KLHL13: variants seen among roughly 807,000 people sequenced by gnomAD.
KLHL13 encodes the protein kelch like family member 13, also known as kelch-like protein 13.
KLHL13 carries 10 observed loss-of-function variants against 37.1 expected under a neutral mutation model. The ratio of observed to expected loss-of-function variants is 0.27; its 90% CI spans 0.17 to 0.46. KLHL13 has a LOEUF of 0.46. Ranked by LOEUF, KLHL13 falls within the 20% of genes least tolerant of loss-of-function variation. The pLI is 1.00. For synonymous variants in KLHL13, 163 were observed against 181.2 expected (o/e 0.90, Z 0.81); for missense variants, 360 against 509.3 (o/e 0.71, Z 2.82).
rs752491386 is a variant in KLHL13 at position 118,071,833 on chromosome X, T to G, written c.-56+44675A>C. ...CACTGCTCAAGGAAATAAAAGAGGA[T>G]ACAAACAAATGGAAGAACATTCCAT... On this transcript the variant is annotated intron_variant, in intron 1 of 6. Transcript: ENST00000371882. 2.0e-3 allele frequency among the ~76,000 whole-genome samples: 207 copies of G among 101,362 alleles called. 1 individual carries two copies. Among genetic ancestry groups the G allele is most frequent in the African/African-American group, 7.1e-3 (197 of 27,627 alleles). 88.0% of individuals were successfully genotyped at this position (101,362 alleles called of 115,157 possible).
At chrX:117,979,556 G>A (rs887257879) in intron 1 of KLHL13, among the ~76,000 whole-genome samples, 1 of 111,311 alleles carries the variant, frequency 9.0e-6, no homozygotes, top group Non-Finnish European at 1.9e-5. Context: ...AAATTGAAAG[G>A]GAAATTTATA....
At chrX:118,116,689 G>A (rs956602250) in exon 1 of KLHL13, 1 of 111,635 alleles carries the variant, frequency 9.0e-6, no homozygotes, top group Non-Finnish European at 1.9e-5. Context: ...CGGAGAGCAC[G>A]GACCCTAACC....
chrX:118,074,932 G>T (rs1470082404), intron 1 of KLHL13, among the ~76,000 whole-genome samples: 2 of 111,791 alleles, frequency 1.8e-5, no homozygotes, highest in Non-Finnish European at 3.8e-5. Flanking sequence ...TAGTATGGGG[G>T]AAATAATACA....
intron 1 of KLHL13, among the ~76,000 whole-genome samples, chrX:118,065,414 G>A (rs779463729): frequency 8.1e-5 from 9 of 111,490 alleles, no homozygotes; most frequent in African/African-American, 2.6e-4. Flanking sequence ...AACATGGGTT[G>A]TTCTTTCCAA....
intron 1 of KLHL13, among the ~76,000 whole-genome samples, chrX:117,954,159 T>G (rs1042452636): frequency 7.1e-5 from 8 of 112,136 alleles, no homozygotes; most frequent in African/African-American, 2.6e-4. Flanking sequence ...CCACTGAATA[T>G]CTCAATCTTG....
At chrX:118,021,445 T>A (rs1284701532) in intron 1 of KLHL13, among the ~76,000 whole-genome samples, 1 of 108,053 alleles carries the variant, frequency 9.3e-6, no homozygotes, top group Non-Finnish European at 1.9e-5. Context: ...TGTGTCCAAG[T>A]GTTCTCATTG....
At chrX:118,011,045 C>T (rs1449853820) in intron 1 of KLHL13, among the ~76,000 whole-genome samples, 13 of 109,616 alleles carry the variant, frequency 1.2e-4, no homozygotes, top group Non-Finnish European at 1.9e-5. Flanking sequence ...TGTACTCCAG[C>T]CTGGGTGACA....
At chrX:117,908,461 A>AG (rs1455785334) in intron 5 of KLHL13, among the ~76,000 whole-genome samples, 6 of 109,972 alleles carry the variant, frequency 5.5e-5, no homozygotes, top group Admixed American at 2.0e-4. Context: ...TATTTATAAT[A>AG]GAGAATAAAA....
At chrX:118,053,856 GAGA>G (rs2054654494) in intron 1 of KLHL13, among the ~76,000 whole-genome samples, 2 of 75,822 alleles carry the variant, frequency 2.6e-5, no homozygotes, top group African/African-American at 1.1e-4. Flanking sequence ...AGAGGAGAGA[GAGA>G]GAGAGAGAGA....
chrX:117,949,869 T>G lies in KLHL13; in HGVS notation c.99-4294A>C, dbSNP rs745343568. On this transcript the variant is annotated intron_variant, in intron 1 of 6. Coordinates refer to ENST00000262820, the Ensembl canonical transcript of KLHL13. Reference sequence around the variant, plus strand: ...CACTTAACTTTTCTTGGTAGAGAGGTTATGTGTGCCAATTCATGCACTGGT... The same window carrying G: ...CACTTAACTTTTCTTGGTAGAGAGGGTATGTGTGCCAATTCATGCACTGGT... 2.2e-4 allele frequency among the ~76,000 whole-genome samples: 25 copies of G among 111,751 alleles called. No individual in the cohort carries two copies. The South Asian group carries it at 9.5e-3, about 42-fold the overall frequency.
At chrX:117,992,234 T>TAAAAAAAAAA (rs773486522) in intron 1 of KLHL13, among the ~76,000 whole-genome samples, 1 of 83,997 alleles carries the variant, frequency 1.2e-5, no homozygotes, top group Non-Finnish European at 2.3e-5. Flanking sequence ...AACTGAGATG[T>TAAAAAAAAAA]AAAAAAAAAA....
At chrX:117,972,004 C>A (rs905923259) in intron 1 of KLHL13, among the ~76,000 whole-genome samples, 4 of 111,710 alleles carry the variant, frequency 3.6e-5, no homozygotes, top group Non-Finnish European at 7.5e-5. Flanking sequence ...GCCTTTAAAG[C>A]AACACTGCAA....
intron 1 of KLHL13, among the ~76,000 whole-genome samples, chrX:118,100,687 T>C (rs1439060302): frequency 9.0e-6 from 1 of 111,493 alleles, no homozygotes; most frequent in African/African-American, 3.3e-5. Context: ...GGTATTTAAA[T>C]CCCTCCATTT....
intron 1 of KLHL13, among the ~76,000 whole-genome samples, chrX:118,106,842 C>T (rs1230489469): frequency 8.9e-6 from 1 of 112,220 alleles, no homozygotes; most frequent in African/African-American, 3.2e-5. Flanking sequence ...CTTATCCATT[C>T]ATTTATCAAA....
chrX:118,109,918 A>G (rs1385651942), intron 1 of KLHL13, among the ~76,000 whole-genome samples: 1 of 111,688 alleles, frequency 9.0e-6, no homozygotes, highest in Admixed American at 9.5e-5. Flanking sequence ...TCATGCCTGT[A>G]ATCCCAATAC....
At chrX:118,017,445 G>C (rs1026821250) in intron 1 of KLHL13, among the ~76,000 whole-genome samples, 5 of 111,459 alleles carry the variant, frequency 4.5e-5, no homozygotes, top group African/African-American at 1.3e-4. Context: ...TCTGAAAAGA[G>C]AACTCTAATT....
At position 117,908,721 on chromosome X, in the gene KLHL13, A is replaced by G. The variant is rs770878144; in HGVS notation, c.1366+580T>C. Among the ~76,000 whole-genome samples the G allele has an allele frequency of 5.3e-4, 59 of 112,028 alleles. 1 individual carries two copies. The highest frequency in any genetic ancestry group is 9.5e-4 in the Admixed American group (10 of 10,523). On this transcript the variant is annotated intron_variant, in intron 5 of 6. Coordinates refer to ENST00000262820, the Ensembl canonical transcript of KLHL13. ...AAGCTTACCAGATGGGCTTATGGAA[A>G]AGAAAACTATCTGATATTACGTCAA...
intron 4 of KLHL13, among the ~76,000 whole-genome samples, chrX:117,919,181 G>A (rs766115053): frequency 9.0e-6 from 1 of 111,160 alleles, no homozygotes; most frequent in Non-Finnish European, 1.9e-5. Flanking sequence ...GCACCACCAT[G>A]CACAGCTAAT....
chrX:118,066,978 C>A (rs1243665462), intron 1 of KLHL13, among the ~76,000 whole-genome samples: 1 of 111,604 alleles, frequency 9.0e-6, no homozygotes, highest in Non-Finnish European at 1.9e-5. Flanking sequence ...CCAATAGTTT[C>A]TCATTGTAAG....
Sources: gnomAD v4.1 joint callset for allele counts (sites outside exome capture counted in the v4.1 genomes callset) on GRCh38, gnomAD v4.1.1 for gene constraint, MANE v1.5 for transcripts, NCBI Gene and HGNC (gene_info 2026-07-23, HGNC 2026-07-21) for gene names.